Variants in SNX29 observed in about 807,000 individuals in gnomAD.
SNX29 encodes sorting nexin-29.
SNX29 carries 78 observed loss-of-function variants against 102.1 expected under a neutral mutation model. That is an observed-to-expected ratio of 0.76 (90% CI 0.64 to 0.92). SNX29 has a LOEUF of 0.92. Among genes scored for constraint, SNX29 ranks in the 40% least tolerant of loss-of-function variants. The pLI, the probability that SNX29 is intolerant of heterozygous loss-of-function variation, is 0.00. For synonymous variants in SNX29, 580 were observed against 414.5 expected, an observed-to-expected ratio of 1.40 and a Z score of -4.85; for missense variants, 1,280 against 1,061.7, an observed-to-expected ratio of 1.21 and a Z score of -2.86.
In SNX29 at chr16:12,571,193, C is replaced by T. The variant is rs942676233; in HGVS notation, c.*2564C>T. The T allele has an allele frequency of 3.0e-5, 7 of 232,228 alleles. No homozygotes were observed. Among genetic ancestry groups the T allele is most frequent in the Non-Finnish European group, 5.1e-5 (6 of 117,554 alleles). 14.4% of individuals were successfully genotyped at this position (232,228 alleles called of 1,614,324 possible). ...CTCTCTAGTGTGGTGGGATGAACTT[C>T]AGGCAACAAACAACTGGCAGGGTTC... On this transcript the variant is annotated 3_prime_UTR_variant, in exon 21 of 21. Coordinates refer to ENST00000566228, the MANE Select transcript of SNX29 (RefSeq NM_032167.5).
intron 18 of SNX29, among the ~76,000 whole-genome samples, chr16:12,435,346 G>A (rs182362668): frequency 3.4e-4 from 52 of 152,304 alleles, no homozygotes; most frequent in African/African-American, 1.2e-3. Context: ...GTGTTCTCTA[G>A]ATCAGAAAAA....
chr16:12,462,024 C>CTGT (rs2086825012), intron 18 of SNX29, among the ~76,000 whole-genome samples: 2 of 119,282 alleles, frequency 1.7e-5, no homozygotes, highest in African/African-American at 6.4e-5. Flanking sequence ...TATACACACA[C>CTGT]ACACACACAC....
intron 11 of SNX29, among the ~76,000 whole-genome samples, chr16:12,121,066 T>A (rs555508555): frequency 6.6e-6 from 1 of 152,336 alleles, no homozygotes; most frequent in East Asian, 1.9e-4. Context: ...CATTCATTTG[T>A]TTATCAATTC....
At chr16:12,197,221 G>T (rs773567224) in intron 13 of SNX29, among the ~76,000 whole-genome samples, 11 of 152,180 alleles carry the variant, frequency 7.2e-5, no homozygotes, top group Non-Finnish European at 4.4e-5. Context: ...CACATGTGAA[G>T]ATTGGGAGTA....
intron 18 of SNX29, among the ~76,000 whole-genome samples, chr16:12,437,675 C>G (rs1026179546): frequency 6.6e-6 from 1 of 152,170 alleles, no homozygotes; most frequent in African/African-American, 2.4e-5. Context: ...AGCCCCAGGA[C>G]CCAGAGTCCC....
chr16:12,539,233 C>A (rs111529437), intron 20 of SNX29, among the ~76,000 whole-genome samples: 2 of 152,302 alleles, frequency 1.3e-5, no homozygotes, highest in African/African-American at 2.4e-5. Context: ...AGACCAGTTC[C>A]TTCACCCTAA....
At chr16:12,168,435 C>G (rs75695562) in intron 13 of SNX29, among the ~76,000 whole-genome samples, 2 of 152,150 alleles carry the variant, frequency 1.3e-5, no homozygotes, top group East Asian at 1.9e-4. Context: ...CTCAGAGAAT[C>G]GAACCAACTT....
chr16:12,551,981 T>C (rs756450849), intron 20 of SNX29, among the ~76,000 whole-genome samples: 40 of 152,168 alleles, frequency 2.6e-4, no homozygotes, highest in Non-Finnish European at 5.4e-4. Context: ...CACAGTGCCA[T>C]GTCAAAGTAG....
rs758683644 is a variant in SNX29, at chr16:12,443,031, G to C, written c.2038-34688G>C. 8.6e-5 allele frequency: 39 copies of C among 455,908 alleles called. 2 individuals are homozygous for C. The highest frequency in any genetic ancestry group is 5.7e-4 in the South Asian group (37 of 64,532). 28.2% of individuals were successfully genotyped at this position (455,908 alleles called of 1,614,324 possible). On this transcript the variant is annotated intron_variant, in intron 18 of 20. Coordinates refer to ENST00000566228, the MANE Select transcript of SNX29 (RefSeq NM_032167.5). ...TGTGAAAATCATTCTTAGTCTGTGG[G>C]CCGTATGAAAACAGCCAGCAGGCCA...
At chr16:12,039,475 A>C (rs1429673994) in intron 4 of SNX29, among the ~76,000 whole-genome samples, 3 of 152,176 alleles carry the variant, frequency 2.0e-5, no homozygotes, top group Non-Finnish European at 4.4e-5. Flanking sequence ...AGTTCGGTTC[A>C]CAGCTCCCAG....
chr16:12,233,890 C>G (rs2077844686), intron 14 of SNX29, among the ~76,000 whole-genome samples: 1 of 152,116 alleles, frequency 6.6e-6, no homozygotes, highest in Non-Finnish European at 1.5e-5. Flanking sequence ...CTTCATTTAG[C>G]ATAAGGTTTT....
chr16:12,548,381 C>A lies in SNX29; in HGVS notation c.2319-20125C>A, dbSNP rs1021098127. On this transcript the variant is annotated intron_variant, in intron 20 of 20. Coordinates refer to ENST00000566228, the MANE Select transcript of SNX29 (RefSeq NM_032167.5). ...TGCACCCACATGGAAGGGAGTCCCA[C>A]ACCTTCTAAGGTCTCCTTTGTAACC... Among the ~76,000 whole-genome samples the A allele has an allele frequency of 2.6e-5, 4 of 152,232 alleles. 1 individual carries two copies. Among genetic ancestry groups the A allele is most frequent in the African/African-American group, 9.6e-5 (4 of 41,464 alleles).
chr16:12,330,651 C>A (rs764330156), intron 15 of SNX29, among the ~76,000 whole-genome samples: 1 of 152,166 alleles, frequency 6.6e-6, no homozygotes, highest in Non-Finnish European at 1.5e-5. Context: ...CGGAGCCAGG[C>A]GGCTGGACCC....
rs1443807695 is a variant in SNX29, at chr16:12,242,783, A to C, written c.1679-35150A>C. On this transcript the variant is annotated intron_variant, in intron 14 of 20. Transcript: ENST00000566228. ...ATCCTCCCACCTCAGCCCCACCCTGAGTAGCTGGGACTGCAGGTGCCCACC... is the reference window on the plus strand; with the variant it reads ...ATCCTCCCACCTCAGCCCCACCCTGCGTAGCTGGGACTGCAGGTGCCCACC... Among the ~76,000 whole-genome samples, 6 of 151,828 alleles carry C rather than the reference A, an allele frequency of 4.0e-5. No homozygotes were observed. In the East Asian group the frequency reaches 1.2e-3, roughly 29 times the overall value.
At chr16:12,358,794 A>C (rs1269154371) in intron 16 of SNX29, among the ~76,000 whole-genome samples, 3 of 152,162 alleles carry the variant, frequency 2.0e-5, no homozygotes, top group African/African-American at 7.2e-5. Flanking sequence ...TTATCCAGTG[A>C]TGTCTCCATA....
At chr16:12,038,504 A>C (rs1380726298) in intron 4 of SNX29, among the ~76,000 whole-genome samples, 1 of 152,118 alleles carries the variant, frequency 6.6e-6, no homozygotes, top group East Asian at 1.9e-4. Context: ...ACTTAACCCC[A>C]TGTTTCAAAG....
rs376433983 is a variant in SNX29, at chr16:12,496,631, C to T, written c.2178+18772C>T. Among the ~76,000 whole-genome samples the T allele has an allele frequency of 3.7e-4, 56 of 151,776 alleles. 1 individual carries two copies. The highest frequency in any genetic ancestry group is 1.3e-3 in the African/African-American group (54 of 41,300). ...GTTCAAACAGTTCTCCTGCGTCAGCCTCCAGAGTTGCTAGGATTACAGGCA... is the reference window on the plus strand; with the variant it reads ...GTTCAAACAGTTCTCCTGCGTCAGCTTCCAGAGTTGCTAGGATTACAGGCA... On this transcript the variant is annotated intron_variant, in intron 19 of 20. Transcript: ENST00000566228.
intron 19 of SNX29, among the ~76,000 whole-genome samples, chr16:12,480,284 C>T (rs1212030418): frequency 2.0e-5 from 3 of 152,168 alleles, no homozygotes; most frequent in Admixed American, 6.5e-5. Context: ...CTTCTGGAGC[C>T]CCAGGAGAGA....
Position 12,382,252 on chromosome 16 carries a change from CTG to C in SNX29, c.1900-16193_1900-16192del, listed in dbSNP as rs767679041. ...GAAGTCGTATTTCCCTGTTTTCTAA[CTG>C]AGAAAAGCGAAGGTTAGAGAGGTCA... On this transcript the variant is annotated intron_variant, in intron 16 of 20. Coordinates refer to ENST00000566228, the MANE Select transcript of SNX29 (RefSeq NM_032167.5). Among the ~76,000 whole-genome samples, 3 of 152,150 alleles carry C rather than the reference CTG, an allele frequency of 2.0e-5. 1 individual carries two copies. In the South Asian group the frequency reaches 6.2e-4, roughly 32 times the overall value.
Sources: allele counts gnomAD v4.1 joint callset (sites outside exome capture counted in the v4.1 genomes callset), GRCh38; gene constraint gnomAD v4.1.1; transcripts MANE v1.5; gene names NCBI Gene and HGNC (gene_info 2026-07-23, HGNC 2026-07-21).